CA5A: variants seen among roughly 807,000 people sequenced by gnomAD.
The protein encoded by CA5A is carbonic anhydrase 5A, also known as carbonic anhydrase 5A, mitochondrial.
In CA5A, 28 loss-of-function variants were observed where a neutral mutation model predicts 37.1. That is an observed-to-expected ratio of 0.75 (90% CI 0.56 to 1.03). The LOEUF (loss-of-function observed/expected upper bound fraction) is 1.03, where lower values mean the gene tolerates loss of function less well. CA5A is among the 50% of genes least tolerant of loss of function. The pLI, the probability that CA5A is intolerant of heterozygous loss-of-function variation, is 0.00. For missense variants in CA5A, 444 were observed against 399.9 expected (o/e 1.11, Z -0.94); for synonymous variants, 171 against 158.4 (o/e 1.08, Z -0.60).
Position 87,902,540 on chromosome 16 carries a change from G to C in CA5A, c.460-20C>G, listed in dbSNP as rs770231265. The C allele has an allele frequency of 3.2e-6, 4 of 1,262,430 alleles. No individual in the cohort carries two copies. The highest frequency in any genetic ancestry group is 1.5e-5 in the African/African-American group (1 of 68,402). 78.2% of individuals were successfully genotyped at this position (1,262,430 alleles called of 1,614,324 possible). A position where few individuals can be genotyped will look rare whatever the true frequency, so the allele number is the denominator to read the frequency against. ...ATGCAGCTGAAACACAATGGAAAGA[G>C]AACTTAAATTGATCAGCAAGAAATA... On this transcript the variant is annotated intron_variant, in intron 3 of 6. Transcript: ENST00000649794.
At chr16:87,917,327 G>C (rs138115972) in intron 2 of CA5A, among the ~76,000 whole-genome samples, 2,790 of 152,256 alleles carry the variant, frequency 0.018, 40 homozygotes, top group Non-Finnish European at 0.028. Flanking sequence ...GGGCCAATCA[G>C]AGTCACTGCT....
At chr16:87,915,584 G>A (rs1302744343) in intron 2 of CA5A, among the ~76,000 whole-genome samples, 2 of 125,116 alleles carry the variant, frequency 1.6e-5, no homozygotes, top group East Asian at 4.4e-4. Flanking sequence ...AACTACCCAG[G>A]AGGCTGAGGT....
chr16:87,929,562 T>G (rs1031924737), intron 1 of CA5A, among the ~76,000 whole-genome samples: 5 of 151,928 alleles, frequency 3.3e-5, no homozygotes, highest in Admixed American at 3.3e-4. Flanking sequence ...GAAAAAATTT[T>G]TAGCTGTTAT....
chr16:87,919,914 GTA>G (rs1411850158), intron 2 of CA5A, among the ~76,000 whole-genome samples: 2 of 152,170 alleles, frequency 1.3e-5, no homozygotes, highest in Non-Finnish European at 2.9e-5. Context: ...CCGTGCAGGA[GTA>G]TTTGCACCAT....
chr16:87,921,834 C>CA (rs1259551551), intron 2 of CA5A, among the ~76,000 whole-genome samples: 2 of 151,886 alleles, frequency 1.3e-5, no homozygotes, highest in African/African-American at 2.4e-5. Flanking sequence ...AGAGGAAGCA[C>CA]AGGTTGTGTT....
chr16:87,917,803 A>G (rs914654266), intron 2 of CA5A, among the ~76,000 whole-genome samples: 19 of 117,448 alleles, frequency 1.6e-4, no homozygotes, highest in Non-Finnish European at 3.2e-4. Flanking sequence ...CACAGTGCAC[A>G]TGTGCACACA....
In CA5A at chr16:87,911,303, A is replaced by T. The variant is rs143346814; in HGVS notation, c.341-6399T>A. On this transcript the variant is annotated intron_variant, in intron 2 of 6. Coordinates refer to ENST00000649794, the MANE Select transcript of CA5A (RefSeq NM_001739.2). This position sits in a 1 kb window ranked among gnomAD's most constrained non-coding sequence, Gnocchi z 4.6. Reference sequence around the variant, plus strand: ...GAACGATTGCCTCAGCGCGTGCCAGACTCTCCAAACATAATAACAGATGAC... The same window carrying T: ...GAACGATTGCCTCAGCGCGTGCCAGTCTCTCCAAACATAATAACAGATGAC... Among the ~76,000 whole-genome samples, 4,429 of 151,882 alleles carry T rather than the reference A, an allele frequency of 0.029. 107 individuals are homozygous for T. The highest frequency in any genetic ancestry group is 0.055 in the Middle Eastern group (16 of 292).
intron 3 of CA5A, among the ~76,000 whole-genome samples, chr16:87,902,811 C>T (rs1160735937): frequency 6.6e-6 from 1 of 151,440 alleles, no homozygotes; most frequent in Non-Finnish European, 1.5e-5. Flanking sequence ...ACTCAGGAGG[C>T]TGAGGCAGGA....
rs777449913 is a variant in CA5A at position 87,891,800 on chromosome 16, T to G, written c.773A>C (p.Gln258Pro). Residue 258 changes from glutamine to proline, a missense_variant and splice_region_variant, in exon 6 of 7, where the codon CAG (glutamine) becomes CCG (proline). Gln to Pro is a moderately conservative substitution (Grantham distance 76). Transcript: ENST00000649794. ...QKEPVEVAPS[Q>P]LSAFRTLLFS... ...GTGCCAGTTACGGGCACGGCTCACC[T>G]GGCTTGGGGCCACTTCAACGGGCTC... The G allele has an allele frequency of 6.6e-7, 1 of 1,509,234 alleles. No individual in the cohort carries two copies. The highest frequency in any genetic ancestry group is 8.8e-7 in the Non-Finnish European group (1 of 1,132,714). 93.5% of individuals were successfully genotyped at this position (1,509,234 alleles called of 1,614,324 possible).
chr16:87,935,189 C>G (rs1005708163), intron 1 of CA5A, among the ~76,000 whole-genome samples: 1 of 152,208 alleles, frequency 6.6e-6, no homozygotes. Context: ...ACATGGAATG[C>G]ATGGAAGATT....
chr16:87,893,146 C>CTTTTT, intron 5 of CA5A: 4 of 386,238 alleles, frequency 1.0e-5, no homozygotes, highest in East Asian at 4.4e-5. Context: ...TTCTTTCTTT[C>CTTTTT]TTTTTTTTTT....
chr16:87,924,383 G>A (rs575658644), intron 2 of CA5A: 4 of 893,698 alleles, frequency 4.5e-6, no homozygotes, highest in Admixed American at 6.2e-5. Context: ...CGTGGTGTTT[G>A]CGATGCACTG....
intron 2 of CA5A, among the ~76,000 whole-genome samples, chr16:87,926,382 A>G (rs572340410): frequency 1.5e-3 from 231 of 152,224 alleles, no homozygotes; most frequent in African/African-American, 5.4e-3. Context: ...GCGTCCAGCC[A>G]CCGCTGCCTT....
Position 87,926,893 on chromosome 16 carries a change from A to G in CA5A, c.195T>C (p.Ser65=). Residue 65 remains serine (S), a synonymous_variant, in exon 2 of 7, where the codon TCT becomes TCC. Transcript: ENST00000649794. ...TGTCCCTCCACTGGATGTTAATAGG[A>G]GACTGCCGGGTGCCCCCTGGCACGG... ...PVSVPGGTRQ[S]PINIQWRDSV... is the part of the protein sequence containing the mutation. 6.2e-7 allele frequency: 1 copy of G among 1,609,402 alleles called. No individual in the cohort carries two copies. Among genetic ancestry groups the G allele is most frequent in the Non-Finnish European group, 8.5e-7 (1 of 1,177,562 alleles).
intron 2 of CA5A, among the ~76,000 whole-genome samples, chr16:87,925,090 C>A (rs1004862245): frequency 6.6e-6 from 1 of 152,200 alleles, no homozygotes; most frequent in Non-Finnish European, 1.5e-5. Flanking sequence ...CTCATGGGAG[C>A]AACAGTGAGT....
chr16:87,917,616 CACACACAA>C (rs1400947485), intron 2 of CA5A, among the ~76,000 whole-genome samples: 2 of 145,970 alleles, frequency 1.4e-5, no homozygotes, highest in African/African-American at 5.5e-5. Flanking sequence ...CACACATGTG[CACACACAA>C]ACACACATGT....
At chr16:87,910,320 G>GT (rs1440805068) in intron 2 of CA5A, among the ~76,000 whole-genome samples, 2 of 152,320 alleles carry the variant, frequency 1.3e-5, no homozygotes, top group South Asian at 4.1e-4. Flanking sequence ...GCATTGCGAG[G>GT]TAACTTTATG....
chr16:87,925,588 G>A (rs893129015), intron 2 of CA5A: 5 of 152,258 alleles, frequency 3.3e-5, no homozygotes, highest in African/African-American at 1.2e-4. Context: ...ACACCAGCTG[G>A]TGCTGGGAAA....
At position 87,901,868 on chromosome 16, in the gene CA5A, T is replaced by C. The variant is rs545376802; in HGVS notation, c.618+44A>G. 52 of 1,562,148 alleles carry C rather than the reference T, an allele frequency of 3.3e-5. No homozygotes were observed. The Admixed American group carries it at 5.9e-4, about 18-fold the overall frequency. On this transcript the variant is annotated intron_variant, in intron 5 of 6. Coordinates refer to ENST00000649794, the MANE Select transcript of CA5A (RefSeq NM_001739.2). Reference sequence around the variant, plus strand: ...TCCCAAAGTGCTGGGATTACAGGCGTGAGCCTCCGCGCCCGGCCTGCTGAT... The same window carrying C: ...TCCCAAAGTGCTGGGATTACAGGCGCGAGCCTCCGCGCCCGGCCTGCTGAT...
Sources: allele counts gnomAD v4.1 joint callset (sites outside exome capture counted in the v4.1 genomes callset), GRCh38; gene constraint gnomAD v4.1.1; non-coding constraint Gnocchi (gnomAD v3.1); transcripts MANE v1.5; gene names NCBI Gene and HGNC (gene_info 2026-07-23, HGNC 2026-07-21).